The following CATSPERE variants were observed in gnomAD, a reference collection of about 807,000 sequenced individuals.
The protein encoded by CATSPERE is catsper channel auxiliary subunit epsilon.
A neutral mutation model predicts 114.1 loss-of-function variants in CATSPERE; 93 were observed. The ratio of observed to expected loss-of-function variants is 0.81; its 90% CI spans 0.69 to 0.97. The LOEUF (loss-of-function observed/expected upper bound fraction) is 0.97. Ranked by LOEUF, CATSPERE falls within the 50% of genes least tolerant of loss-of-function variation. The pLI is 0.00. For synonymous variants in CATSPERE, 341 were observed against 384.1 expected (o/e 0.89, Z 1.31); for missense variants, 1,058 against 1,131.6 (o/e 0.93, Z 0.93).
At position 244,552,347 on chromosome 1, in the gene CATSPERE, A is replaced by T. The variant is rs749235136; in HGVS notation, c.562A>T (p.Thr188Ser). 2 of 1,612,178 alleles carry T rather than the reference A, an allele frequency of 1.2e-6. No homozygotes were observed. Among genetic ancestry groups the T allele is most frequent in the Non-Finnish European group, 1.7e-6 (2 of 1,179,176 alleles). ...GACCTGGCGTATTGTAGTACCAATG[A>T]CAAAAGATGATGCACTAAAGGAGAT... ...RGTWRIVVPM[T>S]KDDALKEIRG... is the part of the protein sequence containing the mutation. Residue 188 changes from threonine to serine, a missense_variant, in exon 9 of 22, where the codon ACA (threonine) becomes TCA (serine). Coordinates refer to ENST00000366534, the MANE Select transcript of CATSPERE (RefSeq NM_001130957.2).
intron 12 of CATSPERE, among the ~76,000 whole-genome samples, chr1:244,582,061 A>G (rs998242591): frequency 7.2e-5 from 11 of 152,190 alleles, no homozygotes; most frequent in Non-Finnish European, 1.2e-4. Context: ...AACATGACCT[A>G]TCTGAATTTC....
At chr1:244,457,786 AAAATGAC>A (rs1235315503), upstream of CATSPERE, among the ~76,000 whole-genome samples, 3 of 152,208 alleles carry the variant, frequency 2.0e-5, no homozygotes, top group Non-Finnish European at 2.9e-5. Flanking sequence ...CTAAAGTCCA[AAAATGAC>A]ATTTGGCTTA....
chr1:244,508,752 A>C (rs1392286058), intron 7 of CATSPERE, among the ~76,000 whole-genome samples: 11 of 148,736 alleles, frequency 7.4e-5, no homozygotes, highest in Non-Finnish European at 1.6e-4. Flanking sequence ...TAATCCCAGC[A>C]CTTTGGGAGG....
At chr1:244,627,217 CTT>C (rs1338830952) in intron 20 of CATSPERE, among the ~76,000 whole-genome samples, 3 of 152,138 alleles carry the variant, frequency 2.0e-5, no homozygotes, top group Non-Finnish European at 4.4e-5. Flanking sequence ...AGTCCACTAT[CTT>C]ATATGGTCGC....
At chr1:244,606,114 T>C (rs897397189) in intron 18 of CATSPERE, among the ~76,000 whole-genome samples, 6 of 152,214 alleles carry the variant, frequency 3.9e-5, no homozygotes, top group Non-Finnish European at 7.3e-5. Flanking sequence ...AGGACATTTA[T>C]CACTTGTGCA....
intron 8 of CATSPERE, among the ~76,000 whole-genome samples, chr1:244,550,317 A>G (rs1660407434): frequency 6.6e-6 from 1 of 152,256 alleles, no homozygotes; most frequent in Non-Finnish European, 1.5e-5. Flanking sequence ...TAATATGAAT[A>G]GCATCTTCAC....
chr1:244,561,692 T>C (rs990576018), intron 10 of CATSPERE, among the ~76,000 whole-genome samples: 5 of 144,456 alleles, frequency 3.5e-5, no homozygotes, highest in Admixed American at 6.9e-5. Flanking sequence ...GAATCATACA[T>C]TGGGGATAGA....
intron 8 of CATSPERE, among the ~76,000 whole-genome samples, chr1:244,522,574 T>C (rs1677765589): frequency 6.6e-6 from 1 of 151,592 alleles, no homozygotes; most frequent in South Asian, 2.1e-4. Flanking sequence ...TCAACAAAAT[T>C]GATAGACCAC....
intron 15 of CATSPERE, 127 bp from the exon 16 acceptor site, chr1:244,593,268 C>T: frequency 2.2e-6 from 2 of 900,628 alleles, no homozygotes; most frequent in Non-Finnish European, 3.5e-6. Context: ...TAGAAAGTGC[C>T]TCAGTATTTC....
intron 20 of CATSPERE, among the ~76,000 whole-genome samples, chr1:244,622,165 G>A (rs1370762041): frequency 2.6e-5 from 4 of 152,138 alleles, no homozygotes; most frequent in Admixed American, 6.5e-5. Context: ...CCAACACACC[G>A]TAAGGTTTTA....
intron 20 of CATSPERE, among the ~76,000 whole-genome samples, chr1:244,620,763 C>T (rs537806211): frequency 3.3e-5 from 5 of 151,360 alleles, no homozygotes; most frequent in African/African-American, 1.2e-4. Flanking sequence ...CCAGGAATTC[C>T]GAAAAAGTAC....
chr1:244,632,393 CAA>C (rs35948602), intron 20 of CATSPERE, among the ~76,000 whole-genome samples: 4 of 109,372 alleles, frequency 3.7e-5, no homozygotes, highest in Admixed American at 1.1e-4. Flanking sequence ...GACTCCAACT[CAA>C]AAAAAAAAAA....
chr1:244,591,729 A>G lies in CATSPERE; in HGVS notation c.2187A>G (p.Glu729=). 1 of 1,507,204 alleles carries G rather than the reference A, an allele frequency of 6.6e-7. No individual in the cohort carries two copies. Among genetic ancestry groups the G allele is most frequent in the Non-Finnish European group, 9.2e-7 (1 of 1,090,038 alleles). 93.4% of individuals were successfully genotyped at this position (1,507,204 alleles called of 1,614,324 possible). A position where few individuals can be genotyped will look rare whatever the true frequency, so the allele number is the denominator to read the frequency against. The change falls in exon 15 of 22, where the codon GAA becomes GAG. Residue 729 remains glutamate (E), a splice_region_variant and synonymous_variant. Coordinates refer to ENST00000366534, the MANE Select transcript of CATSPERE (RefSeq NM_001130957.2). ...CHHHDFSYVI[E]KSYLRHQPSK... ...ACCATGATTTTTCATACGTGATTGA[A>G]AAGTAAGAAATTTTTTAACATAAGC... is the stretch of plus-strand genomic sequence containing the variant.
chr1:244,579,713 T>C (rs1386157188), intron 11 of CATSPERE, among the ~76,000 whole-genome samples: 1 of 152,210 alleles, frequency 6.6e-6, no homozygotes. Flanking sequence ...TTTGCAAAAA[T>C]ACAAAATTTG....
intron 11 of CATSPERE, among the ~76,000 whole-genome samples, chr1:244,574,040 C>T (rs1415975068): frequency 6.6e-6 from 1 of 152,122 alleles, no homozygotes; most frequent in African/African-American, 2.4e-5. Context: ...CAATTTTTAT[C>T]CTTTACAGGG....
intron 7 of CATSPERE, among the ~76,000 whole-genome samples, chr1:244,501,592 C>A (rs1342712185): frequency 6.6e-6 from 1 of 152,272 alleles, no homozygotes; most frequent in African/African-American, 2.4e-5. Flanking sequence ...ATTGTTTCAT[C>A]TGGTAATCAA....
chr1:244,488,305 T>C (rs1436903079), intron 5 of CATSPERE, among the ~76,000 whole-genome samples: 4 of 152,236 alleles, frequency 2.6e-5, no homozygotes, highest in African/African-American at 7.2e-5. Context: ...AATCACTTTC[T>C]TTTTGAAACT....
At chr1:244,555,838 CA>C (rs566589534) in intron 9 of CATSPERE, among the ~76,000 whole-genome samples, 1 of 151,864 alleles carries the variant, frequency 6.6e-6, no homozygotes, top group South Asian at 2.1e-4. Flanking sequence ...CAATACCTAC[CA>C]AAAAAACTGG....
At chr1:244,574,030 C>G (rs1558523044) in intron 11 of CATSPERE, among the ~76,000 whole-genome samples, 1 of 152,138 alleles carries the variant, frequency 6.6e-6, no homozygotes, top group Non-Finnish European at 1.5e-5. Context: ...AGGAGGGAAG[C>G]AATTTTTATC....
Sources: gnomAD v4.1 joint callset for allele counts (sites outside exome capture counted in the v4.1 genomes callset) on GRCh38, gnomAD v4.1.1 for gene constraint, MANE v1.5 for transcripts, NCBI Gene and HGNC (gene_info 2026-07-23, HGNC 2026-07-21) for gene names.